Variants in LAMA2 observed in about 807,000 individuals in gnomAD.
LAMA2 encodes laminin subunit alpha-2.
Under a neutral mutation model 364.8 loss-of-function variants are expected in LAMA2, and 269 were observed. The ratio of observed to expected loss-of-function variants is 0.74; its 90% CI spans 0.67 to 0.82. The LOEUF (loss-of-function observed/expected upper bound fraction) is 0.82. LAMA2 is among the 40% of genes least tolerant of loss of function. The pLI, the probability that LAMA2 is intolerant of heterozygous loss-of-function variation, is 0.00. For synonymous variants in LAMA2, 1,379 were observed against 1,370.6 expected, an observed-to-expected ratio of 1.01 and a Z score of -0.14; for missense variants, 3,807 against 3,873.2, an observed-to-expected ratio of 0.98 and a Z score of 0.45.
At chr6:129,363,405 T>C (rs1777580594) in intron 32 of LAMA2, among the ~76,000 whole-genome samples, 1 of 152,198 alleles carries the variant, frequency 6.6e-6, no homozygotes, top group African/African-American at 2.4e-5. Context: ...CAGGCATCTG[T>C]ATTTTATAAA....
At chr6:129,349,789 C>T (rs1019283292) in intron 31 of LAMA2, among the ~76,000 whole-genome samples, 7 of 151,974 alleles carry the variant, frequency 4.6e-5, no homozygotes, top group East Asian at 1.9e-4. Flanking sequence ...ACTGAATTCA[C>T]GTCATTGTTC....
intron 3 of LAMA2, among the ~76,000 whole-genome samples, chr6:129,066,435 AT>A (rs1347801915): frequency 6.6e-6 from 1 of 152,204 alleles, no homozygotes; most frequent in Non-Finnish European, 1.5e-5. Flanking sequence ...GATGAAATAA[AT>A]TGAAGACACA....
At chr6:129,491,669 T>C (rs1339608730) in intron 56 of LAMA2, among the ~76,000 whole-genome samples, 1 of 152,224 alleles carries the variant, frequency 6.6e-6, no homozygotes, top group Non-Finnish European at 1.5e-5. Flanking sequence ...GAGGCTAATG[T>C]TGCAGTGCGC....
chr6:129,480,637 C>T (rs1334067866), intron 54 of LAMA2, among the ~76,000 whole-genome samples: 1 of 152,060 alleles, frequency 6.6e-6, no homozygotes, highest in African/African-American at 2.4e-5. Context: ...CTGATTTTCT[C>T]CCTTTTGCAC....
At chr6:129,494,045 T>A (rs1327538346) in intron 58 of LAMA2, among the ~76,000 whole-genome samples, 1 of 152,218 alleles carries the variant, frequency 6.6e-6, no homozygotes, top group Non-Finnish European at 1.5e-5. Context: ...GATGAATATG[T>A]CTAAGGTTTT....
intron 27 of LAMA2, among the ~76,000 whole-genome samples, chr6:129,317,011 G>C (rs1774655153): frequency 6.6e-6 from 1 of 152,146 alleles, no homozygotes; most frequent in Non-Finnish European, 1.5e-5. Context: ...TACAGAACAT[G>C]GGAATGGATT....
At chr6:129,171,845 C>A (rs1182371593) in intron 9 of LAMA2, among the ~76,000 whole-genome samples, 9 of 104,930 alleles carry the variant, frequency 8.6e-5, no homozygotes, top group African/African-American at 3.4e-4. Flanking sequence ...TTCACATAGT[C>A]CCATATTTCT....
At chr6:129,378,385 A>T (rs1778492487) in intron 34 of LAMA2, among the ~76,000 whole-genome samples, 1 of 152,214 alleles carries the variant, frequency 6.6e-6, no homozygotes, top group African/African-American at 2.4e-5. Context: ...TTTGGCAGTG[A>T]TACCACTATC....
intron 1 of LAMA2, among the ~76,000 whole-genome samples, chr6:129,007,404 A>G (rs964044377): frequency 2.0e-5 from 3 of 152,152 alleles, no homozygotes; most frequent in African/African-American, 4.8e-5. Flanking sequence ...TATGCCTGCT[A>G]CATAGTAGGC....
intron 1 of LAMA2, among the ~76,000 whole-genome samples, chr6:128,957,609 G>A (rs891976941): frequency 3.3e-5 from 5 of 152,042 alleles, no homozygotes; most frequent in African/African-American, 4.8e-5. Context: ...TTTAGGGGGG[G>A]AAGGGGAGAA....
intron 12 of LAMA2, among the ~76,000 whole-genome samples, chr6:129,206,959 TATCA>T (rs1782718758): frequency 6.6e-6 from 1 of 152,222 alleles, no homozygotes; most frequent in South Asian, 2.1e-4. Flanking sequence ...AGTTGTGACC[TATCA>T]ATGGTAATAG....
At chr6:129,089,413 G>T (rs183835577) in intron 3 of LAMA2, among the ~76,000 whole-genome samples, 179 of 152,302 alleles carry the variant, frequency 1.2e-3, no homozygotes, top group African/African-American at 3.8e-3. Context: ...CAAAGGCAAT[G>T]CCAGGTATTT....
Position 129,280,105 on chromosome 6 carries a change from G to A in LAMA2, c.2495G>A (p.Cys832Tyr), listed in dbSNP as rs1310609273. ...TTAGACCGGAGTCTTGGATTGATCT[G>A]TGATGGATGCCCTGTCGGGTACACA... is the stretch of plus-strand genomic sequence containing the variant. ...CHLDRSLGLI[C>Y]DGCPVGYTGP... The change falls in exon 18 of 65, where the codon TGT (cysteine) becomes TAT (tyrosine). Residue 832 changes from cysteine (C) to tyrosine (Y), a missense_variant. Physicochemically the swap from Cys to Tyr is radical, Grantham distance 194. Around this residue, in one of 3 missense-constraint regions of LAMA2, gnomAD observed 3,333 missense variants for 3,345.7 expected, o/e 1.00. Coordinates refer to ENST00000421865, the MANE Select transcript of LAMA2 (RefSeq NM_000426.4). The A allele has an allele frequency of 6.2e-7, 1 of 1,613,442 alleles. No individual in the cohort carries two copies. The highest frequency in any genetic ancestry group is 8.5e-7 in the Non-Finnish European group (1 of 1,179,534).
chr6:129,425,016 C>T (rs984593689), intron 40 of LAMA2, among the ~76,000 whole-genome samples: 13 of 151,708 alleles, frequency 8.6e-5, no homozygotes, highest in African/African-American at 3.2e-4. Flanking sequence ...AGAAGCCAGA[C>T]AAAAAGAGAG....
chr6:129,257,259 A>G (rs1272075042), intron 14 of LAMA2, among the ~76,000 whole-genome samples: 2 of 152,106 alleles, frequency 1.3e-5, no homozygotes, highest in Non-Finnish European at 2.9e-5. Flanking sequence ...TGAAACTGTT[A>G]AACACATTAA....
intron 32 of LAMA2, among the ~76,000 whole-genome samples, chr6:129,360,419 G>A (rs893783462): frequency 3.7e-4 from 57 of 152,064 alleles, no homozygotes; most frequent in African/African-American, 1.3e-3. Context: ...GAATAAAATA[G>A]CAAACCATTA....
Position 129,365,053 on chromosome 6 carries a change from G to A in LAMA2, c.4718-1166G>A, listed in dbSNP as rs559200484. On this transcript the variant is annotated intron_variant, in intron 32 of 64. Transcript: ENST00000421865. Reference sequence around the variant, plus strand: ...ACTCCAGTGATTCAATACCTCCCACGAGGCCCCATATCCAGTATTGGGGAT... The same window carrying A: ...ACTCCAGTGATTCAATACCTCCCACAAGGCCCCATATCCAGTATTGGGGAT... 2.7e-4 allele frequency among the ~76,000 whole-genome samples: 41 copies of A among 152,312 alleles called. 1 individual carries two copies. The highest frequency in any genetic ancestry group is 7.9e-4 in the African/African-American group (33 of 41,570).
chr6:129,032,711 A>C (rs1363532944), intron 1 of LAMA2, among the ~76,000 whole-genome samples: 1 of 152,348 alleles, frequency 6.6e-6, no homozygotes, highest in South Asian at 2.1e-4. Context: ...AGGCTATTGC[A>C]GATGTCCAGA....
At chr6:128,997,424 G>C (rs1413894639) in intron 1 of LAMA2, among the ~76,000 whole-genome samples, 1 of 152,078 alleles carries the variant, frequency 6.6e-6, no homozygotes, top group Admixed American at 6.6e-5. Context: ...AATGTGACTA[G>C]AGTGAAGTAA....
Sources: gnomAD v4.1 joint callset for allele counts (sites outside exome capture counted in the v4.1 genomes callset) on GRCh38, gnomAD v4.1.1 for gene constraint, gnomAD v4.1.1 regional missense constraint, MANE v1.5 for transcripts, NCBI Gene and HGNC (gene_info 2026-07-23, HGNC 2026-07-21) for gene names.